The following ADCK1 variants were observed in gnomAD, a reference collection of about 807,000 sequenced individuals.
ADCK1 encodes aarF domain containing kinase 1.
ADCK1 carries 41 observed loss-of-function variants against 52.3 expected under a neutral mutation model. The ratio of observed to expected loss-of-function variants is 0.78; its 90% confidence interval spans 0.61 to 1.02. The LOEUF (loss-of-function observed/expected upper bound fraction) is 1.02, where lower values mean the gene tolerates loss of function less well. Among genes scored for constraint, ADCK1 ranks in the 50% least tolerant of loss-of-function variants. The pLI is 0.00. For missense variants in ADCK1, 658 were observed against 679.5 expected (o/e 0.97, Z 0.35); for synonymous variants, 250 against 274.6 (o/e 0.91, Z 0.89).
chr14:77,891,924 A>T (rs1335629906), intron 5 of ADCK1, among the ~76,000 whole-genome samples: 3 of 152,232 alleles, frequency 2.0e-5, no homozygotes, highest in Admixed American at 1.3e-4. Flanking sequence ...ATGGTGTCTT[A>T]TATTTAGGAA....
chr14:77,846,699 C>T (rs2082179640), intron 3 of ADCK1, among the ~76,000 whole-genome samples: 1 of 152,178 alleles, frequency 6.6e-6, no homozygotes, highest in Non-Finnish European at 1.5e-5. Context: ...GGAGGCCTTC[C>T]CACTGGGGAA....
chr14:77,891,249 G>T (rs950383978), intron 5 of ADCK1, among the ~76,000 whole-genome samples: 6 of 152,212 alleles, frequency 3.9e-5, no homozygotes, highest in Admixed American at 2.0e-4. Context: ...CAGGGCAGGA[G>T]AGCAGGATTG....
intron 7 of ADCK1, among the ~76,000 whole-genome samples, chr14:77,911,341 T>C (rs983650179): frequency 2.6e-5 from 4 of 152,084 alleles, no homozygotes; most frequent in African/African-American, 9.7e-5. Flanking sequence ...AAATGTGTGT[T>C]TTGTTTTTTA....
intron 3 of ADCK1, among the ~76,000 whole-genome samples, chr14:77,856,290 A>G (rs1325676102): frequency 6.6e-6 from 1 of 152,250 alleles, no homozygotes; most frequent in African/African-American, 2.4e-5. Flanking sequence ...CCCAGAGATA[A>G]CACTGTTAAT....
At chr14:77,808,561 C>T (rs75926841) in intron 1 of ADCK1, among the ~76,000 whole-genome samples, 4,456 of 151,766 alleles carry the variant, frequency 0.029, 210 homozygotes, top group African/African-American at 0.099. Context: ...TTATAGACAT[C>T]CACTACATTT....
chr14:77,921,866 G>A (rs2084070124), intron 7 of ADCK1, among the ~76,000 whole-genome samples: 1 of 151,994 alleles, frequency 6.6e-6, no homozygotes, highest in Admixed American at 6.6e-5. Flanking sequence ...AGTAATAGGG[G>A]GCCCAGAGCG....
intron 3 of ADCK1, among the ~76,000 whole-genome samples, chr14:77,826,430 C>G (rs575608546): frequency 2.6e-5 from 4 of 152,152 alleles, no homozygotes; most frequent in Non-Finnish European, 4.4e-5. Context: ...AGGCTGGGAT[C>G]TCAGTGACTC....
intron 1 of ADCK1, among the ~76,000 whole-genome samples, chr14:77,806,678 G>A (rs531538780): frequency 5.9e-5 from 9 of 152,254 alleles, no homozygotes; most frequent in African/African-American, 2.2e-4. Flanking sequence ...CAGACGCCCT[G>A]TGGCTCATCT....
chr14:77,809,715 T>C (rs1435518618), intron 1 of ADCK1, among the ~76,000 whole-genome samples: 1 of 151,948 alleles, frequency 6.6e-6, no homozygotes, highest in Non-Finnish European at 1.5e-5. Context: ...CTTTTGACTT[T>C]TCAGTAACAA....
intron 3 of ADCK1, among the ~76,000 whole-genome samples, chr14:77,852,665 AT>A (rs57912091): frequency 1.0e-4 from 9 of 88,862 alleles, no homozygotes; most frequent in African/African-American, 3.5e-4. Context: ...AAATAAATAT[AT>A]ATATATATAT....
intron 8 of ADCK1, 99 bp from the exon 9 acceptor site, chr14:77,925,664 TC>T (rs757828085): frequency 2.5e-6 from 3 of 1,180,826 alleles, no homozygotes. Flanking sequence ...GAAGGCACAG[TC>T]CTCACCGTCG....
chr14:77,853,045 C>A (rs1036924574), intron 3 of ADCK1, among the ~76,000 whole-genome samples: 1 of 137,070 alleles, frequency 7.3e-6, no homozygotes, highest in African/African-American at 2.7e-5. Context: ...AGCCACCATG[C>A]CTGGCCTGAT....
chr14:77,811,386 T>C (rs1326438982), intron 1 of ADCK1, among the ~76,000 whole-genome samples: 3 of 152,086 alleles, frequency 2.0e-5, no homozygotes, highest in African/African-American at 7.2e-5. Context: ...GACGAGATCA[T>C]GAGGTTCAGA....
At chr14:77,905,338 A>C (rs1595063684) in intron 6 of ADCK1, among the ~76,000 whole-genome samples, 3 of 90,642 alleles carry the variant, frequency 3.3e-5, no homozygotes, top group African/African-American at 4.8e-5. Context: ...ATGGAATCTC[A>C]CTCCCTCTGT....
intron 1 of ADCK1, among the ~76,000 whole-genome samples, chr14:77,814,224 G>T (rs1359599326): frequency 6.6e-6 from 1 of 152,000 alleles, no homozygotes; most frequent in Non-Finnish European, 1.5e-5. Flanking sequence ...GACAACAGGT[G>T]CATGCCACCA....
intron 3 of ADCK1, among the ~76,000 whole-genome samples, chr14:77,846,350 C>G (rs1172243159): frequency 6.6e-6 from 1 of 152,182 alleles, no homozygotes; most frequent in Non-Finnish European, 1.5e-5. Flanking sequence ...CCATCTTAAT[C>G]CAGCCATGCA....
chr14:77,872,291 CTTG>C (rs2082796514), intron 4 of ADCK1, among the ~76,000 whole-genome samples: 1 of 152,164 alleles, frequency 6.6e-6, no homozygotes, highest in African/African-American at 2.4e-5. Context: ...AGGAACTGAG[CTTG>C]AGTGTCACCG....
chr14:77,829,245 A>G (rs1274500103), intron 3 of ADCK1, among the ~76,000 whole-genome samples: 1 of 150,960 alleles, frequency 6.6e-6, no homozygotes, highest in African/African-American at 2.4e-5. Flanking sequence ...ATATGTGTGT[A>G]CACTCACTCA....
At chr14:77,851,440 T>C (rs2082283579) in intron 3 of ADCK1, among the ~76,000 whole-genome samples, 1 of 152,180 alleles carries the variant, frequency 6.6e-6, no homozygotes, top group Admixed American at 6.5e-5. Context: ...TTAAGAGTAG[T>C]TTGACAATCT....
Sources: allele counts gnomAD v4.1 joint callset (sites outside exome capture counted in the v4.1 genomes callset), GRCh38; gene constraint gnomAD v4.1.1; transcripts MANE v1.5; gene names NCBI Gene and HGNC (gene_info 2026-07-23, HGNC 2026-07-21).